The following USP10 variants were observed in gnomAD, a reference collection of about 807,000 sequenced individuals.
USP10 encodes the protein ubiquitin specific peptidase 10, also known as ubiquitin carboxyl-terminal hydrolase 10.
Under a neutral mutation model 84.5 loss-of-function variants are expected in USP10, and 22 were observed. The ratio of observed to expected loss-of-function variants is 0.26; its 90% confidence interval spans 0.19 to 0.37. USP10 has a LOEUF of 0.37. USP10 is among the 10% of genes least tolerant of loss of function. The pLI is 1.00. For missense variants in USP10, 1,019 were observed against 998.9 expected (o/e 1.02, Z -0.27); for synonymous variants, 454 against 387.6 (o/e 1.17, Z -2.01).
chr16:84,707,183 CT>C (rs1905643713), intron 1 of USP10, among the ~76,000 whole-genome samples: 1 of 152,162 alleles, frequency 6.6e-6, no homozygotes, highest in Non-Finnish European at 1.5e-5. Context: ...GACTGGTTTT[CT>C]GGAAGAGACT....
chr16:84,769,593 C>T (rs1159377092), intron 11 of USP10, among the ~76,000 whole-genome samples: 1 of 146,280 alleles, frequency 6.8e-6, no homozygotes, highest in Non-Finnish European at 1.5e-5. Context: ...TTGTGGGTGA[C>T]TGTCGGCTTG....
intron 2 of USP10, among the ~76,000 whole-genome samples, chr16:84,734,939 C>T (rs946402431): frequency 2.6e-5 from 4 of 152,178 alleles, no homozygotes; most frequent in South Asian, 2.1e-4. Flanking sequence ...AGTGCATCTC[C>T]CCTGGTTCCG....
chr16:84,776,903 C>A (rs1915081685), intron 13 of USP10, among the ~76,000 whole-genome samples: 1 of 152,242 alleles, frequency 6.6e-6, no homozygotes, highest in Non-Finnish European at 1.5e-5. Context: ...ACCTCTGCCT[C>A]CCAGGTTCAA....
chr16:84,707,371 GTTTAT>G (rs1180202226), intron 1 of USP10, among the ~76,000 whole-genome samples: 2 of 152,166 alleles, frequency 1.3e-5, no homozygotes, highest in Admixed American at 6.5e-5. Flanking sequence ...TAATAAAGTC[GTTTAT>G]TTTATTTTCT....
chr16:84,719,055 G>A (rs918476989), intron 1 of USP10, among the ~76,000 whole-genome samples: 1 of 152,036 alleles, frequency 6.6e-6, no homozygotes, highest in Non-Finnish European at 1.5e-5. Flanking sequence ...GCCTCCCAAA[G>A]TGCTGGGATT....
At chr16:84,739,767 A>C (rs113843440) in intron 2 of USP10, among the ~76,000 whole-genome samples, 159 of 152,324 alleles carry the variant, frequency 1.0e-3, no homozygotes, top group Middle Eastern at 3.4e-3. Flanking sequence ...CTAGCTGTTA[A>C]TGTAGTTAAT....
At chr16:84,743,115 C>T (rs746478511) in intron 3 of USP10, among the ~76,000 whole-genome samples, 1 of 152,208 alleles carries the variant, frequency 6.6e-6, no homozygotes, top group Non-Finnish European at 1.5e-5. Context: ...CCAAAATGAA[C>T]AGCCAGCCCC....
intron 4 of USP10, 67 bp downstream of exon 4, chr16:84,745,740 CTG>C: frequency 2.0e-6 from 3 of 1,484,560 alleles, no homozygotes; most frequent in South Asian, 2.6e-5. Flanking sequence ...GGCTTATAGA[CTG>C]TGGTGTTACC....
At chr16:84,732,959 TA>T in intron 1 of USP10, 1 of 404,386 alleles carries the variant, frequency 2.5e-6, no homozygotes, top group Admixed American at 3.3e-5. Context: ...GTTATATAGA[TA>T]TTTTTAAAGA....
In USP10 at chr16:84,745,479, C is replaced by T. The variant is rs767943187; in HGVS notation, c.998C>T (p.Thr333Ile). The change falls in exon 4 of 14, where the codon ACC becomes ATC. Residue 333 changes from threonine to isoleucine, a missense_variant. Physicochemically the swap from Thr to Ile is moderately conservative, Grantham distance 89. Around this residue, in one of 2 missense-constraint regions of USP10, gnomAD observed 787 missense variants for 708.8 expected, o/e 1.11. Coordinates refer to ENST00000219473, the MANE Select transcript of USP10 (RefSeq NM_005153.3). ...PADGTGSASG[T>I]LPVSQPKSWA... ...GACGGCACGGGCTCTGCATCAGGCA[C>T]CCTTCCTGTCAGCCAGCCCAAGTCC... 37 of 1,613,566 alleles carry T rather than the reference C, an allele frequency of 2.3e-5. No individual in the cohort carries two copies. Among genetic ancestry groups the T allele is most frequent in the South Asian group, 9.9e-5 (9 of 91,008 alleles).
At chr16:84,737,016 C>CT (rs1222614134) in intron 2 of USP10, among the ~76,000 whole-genome samples, 1 of 152,194 alleles carries the variant, frequency 6.6e-6, no homozygotes, top group Non-Finnish European at 1.5e-5. Flanking sequence ...TCTTGATCTC[C>CT]TGACCTCGTG....
chr16:84,779,085 C>G lies in USP10; in HGVS notation c.*3C>G. 6.2e-7 allele frequency: 1 copy of G among 1,610,626 alleles called. No individual in the cohort carries two copies. Reference sequence around the variant, plus strand: ...ACCGCCGAGTGGACCTGCTGTAAACCCTGTGTGCGCTGTGTGTGCGCCCAG... The same window carrying G: ...ACCGCCGAGTGGACCTGCTGTAAACGCTGTGTGCGCTGTGTGTGCGCCCAG... On this transcript the variant is annotated 3_prime_UTR_variant, in exon 14 of 14. Transcript: ENST00000219473.
intron 1 of USP10, among the ~76,000 whole-genome samples, chr16:84,727,881 C>G (rs6564072): frequency 0.22 from 33,282 of 152,128 alleles, 3,723 homozygotes; most frequent in African/African-American, 0.29. Context: ...GTACTTTTTT[C>G]TAACCTGTCC....
At chr16:84,702,569 C>T (rs1905024213) in intron 1 of USP10, among the ~76,000 whole-genome samples, 1 of 151,994 alleles carries the variant, frequency 6.6e-6, no homozygotes, top group South Asian at 2.1e-4. Flanking sequence ...AGATATTAAG[C>T]GTCATGGTAT....
At chr16:84,740,268 A>G in intron 2 of USP10, 41 bp from the exon 3 acceptor site, 1 of 1,586,366 alleles carries the variant, frequency 6.3e-7, no homozygotes, top group Non-Finnish European at 8.6e-7. Context: ...TGGTTTTAAC[A>G]TTTTGTTGAA....
At chr16:84,755,004 G>A (rs1189893928) in intron 4 of USP10, among the ~76,000 whole-genome samples, 2 of 151,204 alleles carry the variant, frequency 1.3e-5, no homozygotes, top group Non-Finnish European at 2.9e-5. Context: ...AAAAAAAAAG[G>A]AGCTGTGTTT....
At chr16:84,776,430 C>G (rs553563085) in intron 13 of USP10, among the ~76,000 whole-genome samples, 2 of 152,350 alleles carry the variant, frequency 1.3e-5, no homozygotes, top group East Asian at 3.9e-4. Flanking sequence ...TTTTCTCCCC[C>G]CGATCACAAT....
chr16:84,710,115 C>G (rs975214065), intron 1 of USP10, among the ~76,000 whole-genome samples: 2 of 151,950 alleles, frequency 1.3e-5, no homozygotes, highest in African/African-American at 2.4e-5. Flanking sequence ...ACTAAAAATA[C>G]AAAAATTAGC....
chr16:84,707,484 C>T (rs1205920062), intron 1 of USP10, among the ~76,000 whole-genome samples: 1 of 152,184 alleles, frequency 6.6e-6, no homozygotes, highest in African/African-American at 2.4e-5. Flanking sequence ...CCTTAATCGT[C>T]AGTTTGGTGT....
Sources: allele counts gnomAD v4.1 joint callset (sites outside exome capture counted in the v4.1 genomes callset), GRCh38; gene constraint gnomAD v4.1.1; regional missense constraint gnomAD v4.1.1; transcripts MANE v1.5; gene names NCBI Gene and HGNC (gene_info 2026-07-23, HGNC 2026-07-21).